Variants in MTUS2 observed in about 807,000 individuals in gnomAD.
The protein encoded by MTUS2 is microtubule associated scaffold protein 2, also known as microtubule-associated tumor suppressor candidate 2.
A neutral mutation model predicts 114.1 loss-of-function variants in MTUS2; 40 were observed. That is an observed-to-expected ratio of 0.35 (90% CI 0.27 to 0.46). The LOEUF (loss-of-function observed/expected upper bound fraction) is 0.46, where lower values mean the gene tolerates loss of function less well. Ranked by LOEUF, MTUS2 falls within the 20% of genes least tolerant of loss-of-function variation. MTUS2 has a pLI of 1.00. For synonymous variants in MTUS2, 688 were observed against 672.0 expected (o/e 1.02, Z -0.37); for missense variants, 1,679 against 1,705.4 (o/e 0.98, Z 0.27).
chr13:29,366,364 C>G (rs1428645490), intron 8 of MTUS2, among the ~76,000 whole-genome samples: 2 of 152,134 alleles, frequency 1.3e-5, no homozygotes, highest in Admixed American at 6.5e-5. Context: ...AAAGACCCAC[C>G]CCCATGATTC....
chr13:29,280,354 T>C (rs1379865570), intron 5 of MTUS2, among the ~76,000 whole-genome samples: 9 of 152,252 alleles, frequency 5.9e-5, no homozygotes, highest in Admixed American at 2.6e-4. Context: ...TGCACAGCAC[T>C]TTAAAAGAAC....
At chr13:29,129,475 A>G (rs890960881) in intron 5 of MTUS2, among the ~76,000 whole-genome samples, 4 of 152,178 alleles carry the variant, frequency 2.6e-5, no homozygotes, top group African/African-American at 9.7e-5. Context: ...TGTCTTCTTC[A>G]TATCATTGTT....
chr13:28,930,160 G>C (rs1286416932), intron 2 of MTUS2, among the ~76,000 whole-genome samples: 1 of 152,144 alleles, frequency 6.6e-6, no homozygotes, highest in Non-Finnish European at 1.5e-5. Context: ...TTATTCTTTA[G>C]CCTCACATAG....
chr13:28,949,938 T>C (rs369794637), intron 2 of MTUS2, among the ~76,000 whole-genome samples: 3 of 152,268 alleles, frequency 2.0e-5, no homozygotes, highest in African/African-American at 7.2e-5. Context: ...TTTAGGACTT[T>C]GCTTTCAATT....
At chr13:29,272,248 C>A (rs558556182) in intron 5 of MTUS2, among the ~76,000 whole-genome samples, 1 of 152,178 alleles carries the variant, frequency 6.6e-6, no homozygotes, top group Admixed American at 6.5e-5. Flanking sequence ...ATGAAATATG[C>A]ATCAGTTAGC....
At chr13:29,337,027 G>A (rs1901097858) in intron 7 of MTUS2, among the ~76,000 whole-genome samples, 1 of 152,178 alleles carries the variant, frequency 6.6e-6, no homozygotes, top group Non-Finnish European at 1.5e-5. Context: ...TGACTTCAGA[G>A]TGCTGTGCTG....
chr13:29,378,193 C>T (rs1262092782), intron 8 of MTUS2, among the ~76,000 whole-genome samples: 1 of 151,968 alleles, frequency 6.6e-6, no homozygotes, highest in Non-Finnish European at 1.5e-5. Context: ...TTATATGCAT[C>T]TGTATATGTG....
At chr13:28,989,839 TTTG>T (rs1884748036) in intron 2 of MTUS2, among the ~76,000 whole-genome samples, 1 of 104,420 alleles carries the variant, frequency 9.6e-6, no homozygotes, top group South Asian at 2.7e-4. Context: ...GGGCCTTTTT[TTTG>T]TTTTGTTTTG....
In MTUS2 at chr13:29,066,371, A is replaced by G. The variant is rs141435524; in HGVS notation, c.2446+32246A>G. 5.3e-5 allele frequency among the ~76,000 whole-genome samples: 8 copies of G among 152,356 alleles called. No homozygotes were observed. In the East Asian group the frequency reaches 1.3e-3, roughly 26 times the overall value. ...TAAAACATCAAGATCTCTTGAATAAATGTTAATAATAGCAATGCAGTGGTA... is the reference window on the plus strand; with the variant it reads ...TAAAACATCAAGATCTCTTGAATAAGTGTTAATAATAGCAATGCAGTGGTA... On this transcript the variant is annotated intron_variant, in intron 4 of 15. Coordinates refer to ENST00000612955, the MANE Select transcript of MTUS2 (RefSeq NM_001033602.4).
intron 7 of MTUS2, chr13:29,339,671 G>A (rs9578085): frequency 0.18 from 33,463 of 181,758 alleles, 3,288 homozygotes; most frequent in Non-Finnish European, 0.21. Flanking sequence ...GCTCAGGAGC[G>A]GTGGCCTGTT....
chr13:29,234,695 G>T (rs1481885187), intron 5 of MTUS2, among the ~76,000 whole-genome samples: 6 of 143,768 alleles, frequency 4.2e-5, no homozygotes, highest in Admixed American at 2.1e-4. Context: ...TCGTGGATTA[G>T]TCTGTTTCCC....
chr13:28,984,945 G>A (rs1409077023), intron 2 of MTUS2, among the ~76,000 whole-genome samples: 1 of 152,198 alleles, frequency 6.6e-6, no homozygotes, highest in African/African-American at 2.4e-5. Context: ...TAGATCTTTT[G>A]GCATTCAGGA....
In MTUS2 at chr13:28,839,781, T is replaced by C. The variant is rs1299002200; in HGVS notation, c.-312T>C. ...CCTGTATCTTTTTCTTTTTAAGGTTTCCACAGCTGGATTGTTTACTAGGGC... is the reference window on the plus strand; with the variant it reads ...CCTGTATCTTTTTCTTTTTAAGGTTCCCACAGCTGGATTGTTTACTAGGGC... On this transcript the variant is annotated 5_prime_UTR_variant, in exon 2 of 16. Transcript: ENST00000612955. The C allele has an allele frequency of 1.3e-5, 2 of 152,206 alleles. No homozygotes were observed. Among genetic ancestry groups the C allele is most frequent in the Non-Finnish European group, 2.9e-5 (2 of 68,026 alleles). 9.4% of individuals were successfully genotyped at this position (152,206 alleles called of 1,614,324 possible).
At chr13:29,123,454 C>T (rs1030520096) in intron 5 of MTUS2, among the ~76,000 whole-genome samples, 1 of 152,108 alleles carries the variant, frequency 6.6e-6, no homozygotes, top group Non-Finnish European at 1.5e-5. Flanking sequence ...CAGTGGCTCA[C>T]TCCTGTAATC....
intron 8 of MTUS2, among the ~76,000 whole-genome samples, chr13:29,419,110 G>C (rs925321640): frequency 5.6e-4 from 85 of 152,160 alleles, no homozygotes; most frequent in African/African-American, 2.0e-3. Flanking sequence ...CTTTACACAT[G>C]TTGCTTGGAT....
intron 5 of MTUS2, among the ~76,000 whole-genome samples, chr13:29,154,358 A>G (rs946372671): frequency 1.3e-5 from 2 of 152,208 alleles, no homozygotes; most frequent in Admixed American, 1.3e-4. Context: ...GAATCATTTT[A>G]CATACCTTTC....
At chr13:28,921,288 C>T (rs1299680251) in intron 2 of MTUS2, among the ~76,000 whole-genome samples, 1 of 152,220 alleles carries the variant, frequency 6.6e-6, no homozygotes, top group Non-Finnish European at 1.5e-5. Context: ...TCCTTGCCTT[C>T]AAGGCAGTGG....
At chr13:29,330,700 C>G (rs1178299237) in intron 7 of MTUS2, among the ~76,000 whole-genome samples, 1 of 152,050 alleles carries the variant, frequency 6.6e-6, no homozygotes, top group African/African-American at 2.4e-5. Context: ...GAATCATTTC[C>G]CCATTGCTTG....
chr13:29,188,068 A>C (rs888296807), intron 5 of MTUS2, among the ~76,000 whole-genome samples: 4 of 152,148 alleles, frequency 2.6e-5, no homozygotes, highest in Admixed American at 2.6e-4. Flanking sequence ...ACTGATTTTT[A>C]CCTCCCAGGA....
Sources: gnomAD v4.1 joint callset for allele counts (sites outside exome capture counted in the v4.1 genomes callset) on GRCh38, gnomAD v4.1.1 for gene constraint, MANE v1.5 for transcripts, NCBI Gene and HGNC (gene_info 2026-07-23, HGNC 2026-07-21) for gene names.